KCNH7: variants seen among roughly 807,000 people sequenced by gnomAD.
KCNH7 encodes the protein voltage-gated inwardly rectifying potassium channel KCNH7.
Under a neutral mutation model 120.8 loss-of-function variants are expected in KCNH7, and 49 were observed. The observed-to-expected ratio is 0.41, with a 90% CI of 0.32 to 0.51. The LOEUF (loss-of-function observed/expected upper bound fraction) is 0.51. Ranked by LOEUF, KCNH7 falls within the 20% of genes least tolerant of loss-of-function variation. The pLI, the probability that KCNH7 is intolerant of heterozygous loss-of-function variation, is 0.38. For missense variants in KCNH7, 1,097 were observed against 1,446.6 expected (o/e 0.76, Z 3.92); for synonymous variants, 547 against 516.1 (o/e 1.06, Z -0.81).
chr2:162,518,012 T>G lies in KCNH7; in HGVS notation c.610A>C (p.Thr204Pro), dbSNP rs1304668733. 4.3e-6 allele frequency: 7 copies of G among 1,612,366 alleles called. No homozygotes were observed. Among genetic ancestry groups the G allele is most frequent in the Non-Finnish European group, 8.5e-7 (1 of 1,178,928 alleles). ...SVAMKHFKSP[T>P]KESCSPSEAD... The stretch of plus-strand genomic sequence containing the variant: ...TCAGAGGGGCTGCAGCTTTCTTTTG[T>G]AGGAGACTTAAAATGCTTCATGGCT... The change falls in exon 4 of 16, where the codon ACA (threonine) becomes CCA (proline). Residue 204 changes from threonine (T) to proline (P), a missense_variant. Thr to Pro is a conservative substitution (Grantham distance 38). Transcript: ENST00000332142.
In KCNH7 at chr2:162,764,071, A is replaced by G. The variant is rs141720116; in HGVS notation, c.307+72466T>C. 4.2e-3 allele frequency among the ~76,000 whole-genome samples: 637 copies of G among 152,102 alleles called. 7 individuals are homozygous for G. Among genetic ancestry groups the G allele is most frequent in the African/African-American group, 0.015 (616 of 41,506 alleles). On this transcript the variant is annotated intron_variant, in intron 2 of 15. Transcript: ENST00000332142. The stretch of plus-strand genomic sequence containing the variant: ...CTTTAGTATTTCTTTCTTTCCAAAT[A>G]TTTGGCTTTTCTCTTGCTATTTCAC...
intron 2 of KCNH7, among the ~76,000 whole-genome samples, chr2:162,777,785 C>T (rs1356316659): frequency 6.6e-6 from 1 of 152,108 alleles, no homozygotes; most frequent in Admixed American, 6.6e-5. Context: ...ATGACTCTGA[C>T]TATGCCATAA....
At chr2:162,575,389 T>C (rs966057934) in intron 2 of KCNH7, among the ~76,000 whole-genome samples, 4 of 152,094 alleles carry the variant, frequency 2.6e-5, no homozygotes, top group Non-Finnish European at 5.9e-5. Context: ...CAGGGGACTT[T>C]AGTCTGCCTC....
intron 12 of KCNH7, among the ~76,000 whole-genome samples, chr2:162,392,437 G>T (rs1477328792): frequency 6.6e-6 from 1 of 151,816 alleles, no homozygotes; most frequent in Non-Finnish European, 1.5e-5. Flanking sequence ...GCTAGTAGAT[G>T]ATCTCTTCTA....
intron 14 of KCNH7, among the ~76,000 whole-genome samples, chr2:162,375,059 TTA>T (rs1374024358): frequency 6.6e-6 from 1 of 152,186 alleles, no homozygotes; most frequent in Non-Finnish European, 1.5e-5. Flanking sequence ...AAGTCCCAGC[TTA>T]TATGTTATCT....
Position 162,536,866 on chromosome 2 carries a change from A to G in KCNH7, c.463+59T>C, listed in dbSNP as rs1048274132. 34 of 1,403,108 alleles carry G rather than the reference A, an allele frequency of 2.4e-5. 2 individuals carry two copies. The highest frequency in any genetic ancestry group is 2.0e-4 in the South Asian group (16 of 81,576). 86.9% of individuals were successfully genotyped at this position (1,403,108 alleles called of 1,614,324 possible). ...ACTGAATTGAAATGAAGACTGTATT[A>G]AAGTGACTACAGTAGCAGAATTATC... On this transcript the variant is annotated intron_variant, in intron 3 of 15. Transcript: ENST00000332142.
chr2:162,702,055 T>A (rs1322495018), intron 2 of KCNH7, among the ~76,000 whole-genome samples: 1 of 151,798 alleles, frequency 6.6e-6, no homozygotes, highest in Admixed American at 6.6e-5. Context: ...CAGGTGCTCA[T>A]CAGCATTATA....
chr2:162,823,402 T>C (rs1174426686), intron 2 of KCNH7, among the ~76,000 whole-genome samples: 1 of 152,124 alleles, frequency 6.6e-6, no homozygotes, highest in Non-Finnish European at 1.5e-5. Flanking sequence ...CTTGAAATAA[T>C]TAGCAAGATA....
At chr2:162,537,930 C>T (rs1692168525) in intron 2 of KCNH7, 1 of 152,090 alleles carries the variant, frequency 6.6e-6, no homozygotes. Flanking sequence ...CTGACTGACT[C>T]CTTGCAGCTG....
intron 2 of KCNH7, among the ~76,000 whole-genome samples, chr2:162,560,507 G>C (rs532883165): frequency 6.6e-6 from 1 of 152,276 alleles, no homozygotes; most frequent in East Asian, 1.9e-4. Context: ...CTGGCATCCA[G>C]GGTTAAAAAG....
chr2:162,491,772 G>T (rs889157131), intron 6 of KCNH7, among the ~76,000 whole-genome samples: 18 of 152,170 alleles, frequency 1.2e-4, no homozygotes, highest in South Asian at 1.0e-3. Context: ...TTGCTAGGAA[G>T]AGAAAGGACC....
intron 2 of KCNH7, among the ~76,000 whole-genome samples, chr2:162,567,458 G>A (rs1182627541): frequency 3.3e-5 from 5 of 151,940 alleles, no homozygotes. Flanking sequence ...CCCTTGCTAG[G>A]AAGTGTGCTT....
chr2:162,396,652 T>A, intron 11 of KCNH7, 88 bp downstream of exon 11: 2 of 910,732 alleles, frequency 2.2e-6, no homozygotes, highest in Non-Finnish European at 3.4e-6. Flanking sequence ...GCTGCAATAT[T>A]TTGCTTGATT....
At chr2:162,787,791 C>T (rs1032373414) in intron 2 of KCNH7, among the ~76,000 whole-genome samples, 4 of 152,104 alleles carry the variant, frequency 2.6e-5, no homozygotes, top group African/African-American at 9.7e-5. Flanking sequence ...ATCCACAGAC[C>T]CACAGACTCA....
At chr2:162,800,453 G>GT (rs2105541524) in intron 2 of KCNH7, among the ~76,000 whole-genome samples, 1 of 151,302 alleles carries the variant, frequency 6.6e-6, no homozygotes, top group South Asian at 2.1e-4. Context: ...TAATTTTTCT[G>GT]TTTTTTTCAT....
chr2:162,638,397 C>T (rs769456640), intron 2 of KCNH7, among the ~76,000 whole-genome samples: 2 of 151,960 alleles, frequency 1.3e-5, no homozygotes, highest in Non-Finnish European at 2.9e-5. Flanking sequence ...GTTTGGAGTA[C>T]TTTTAACAGA....
intron 2 of KCNH7, among the ~76,000 whole-genome samples, chr2:162,778,117 A>C (rs1363485979): frequency 6.6e-6 from 1 of 152,156 alleles, no homozygotes; most frequent in African/African-American, 2.4e-5. Context: ...GGCTTTGTAG[A>C]AAAAATTGTC....
chr2:162,558,872 G>A (rs867625456), intron 2 of KCNH7, among the ~76,000 whole-genome samples: 7 of 151,496 alleles, frequency 4.6e-5, no homozygotes, highest in South Asian at 4.2e-4. Flanking sequence ...GACCATCCAC[G>A]GTGAAATCCT....
intron 2 of KCNH7, among the ~76,000 whole-genome samples, chr2:162,576,777 G>A (rs1457034660): frequency 6.6e-6 from 1 of 152,006 alleles, no homozygotes; most frequent in Non-Finnish European, 1.5e-5. Context: ...GAAGTGAGGA[G>A]AAGAGAGGTG....
Sources: allele counts gnomAD v4.1 joint callset (sites outside exome capture counted in the v4.1 genomes callset), GRCh38; gene constraint gnomAD v4.1.1; transcripts MANE v1.5; gene names NCBI Gene and HGNC (gene_info 2026-07-23, HGNC 2026-07-21).